Variants in BRAP observed in about 807,000 individuals in gnomAD.
The protein encoded by BRAP is BRCA1-associated protein.
BRAP carries 42 observed loss-of-function variants against 73.4 expected under a neutral mutation model. The ratio of observed to expected loss-of-function variants is 0.57; its 90% confidence interval spans 0.45 to 0.74. The LOEUF is 0.74. Ranked by LOEUF, BRAP falls within the 30% of genes least tolerant of loss-of-function variation. BRAP has a pLI of 0.00. For missense variants in BRAP, 593 were observed against 751.4 expected (o/e 0.79, Z 2.46); for synonymous variants, 255 against 267.4 (o/e 0.95, Z 0.45).
intron 4 of BRAP, among the ~76,000 whole-genome samples, chr12:111,676,905 T>C (rs1887404469): frequency 6.6e-6 from 1 of 152,004 alleles, no homozygotes; most frequent in Non-Finnish European, 1.5e-5. Context: ...CCTGTTAGGA[T>C]GATAGGGATT....
At chr12:111,667,960 G>A (rs1887020723) in intron 5 of BRAP, among the ~76,000 whole-genome samples, 1 of 152,120 alleles carries the variant, frequency 6.6e-6, no homozygotes, top group South Asian at 2.1e-4. Context: ...CGTAATCCCA[G>A]CACTTTGGGA....
intron 10 of BRAP, among the ~76,000 whole-genome samples, chr12:111,653,641 C>T (rs1002155293): frequency 7.9e-5 from 12 of 152,182 alleles, no homozygotes; most frequent in Non-Finnish European, 1.8e-4. Flanking sequence ...CCTTGATCCA[C>T]ACCCCTCCTC....
intron 7 of BRAP, among the ~76,000 whole-genome samples, chr12:111,659,929 T>C (rs1000473791): frequency 1.3e-5 from 2 of 151,744 alleles, no homozygotes; most frequent in Admixed American, 1.3e-4. Context: ...CAAAACCTAC[T>C]AGGCCATGGT....
At chr12:111,676,969 A>G (rs1013878327) in intron 4 of BRAP, among the ~76,000 whole-genome samples, 1 of 152,192 alleles carries the variant, frequency 6.6e-6, no homozygotes, top group Non-Finnish European at 1.5e-5. Context: ...ATACCAAGAT[A>G]AAGGGTTCTA....
intron 4 of BRAP, among the ~76,000 whole-genome samples, chr12:111,677,853 AC>A (rs1592996228): frequency 1.3e-5 from 2 of 152,208 alleles, no homozygotes; most frequent in Non-Finnish European, 2.9e-5. Flanking sequence ...ATGATGGGGT[AC>A]TTTGTAAACA....
intron 6 of BRAP, among the ~76,000 whole-genome samples, chr12:111,663,979 G>A (rs553734961): frequency 6.6e-6 from 1 of 152,102 alleles, no homozygotes; most frequent in Non-Finnish European, 1.5e-5. Flanking sequence ...TGGTCCCTGA[G>A]GAAACTTCCA....
In BRAP at chr12:111,644,109, T is replaced by A; in HGVS notation, c.*90A>T. The A allele has an allele frequency of 6.6e-7, 1 of 1,507,590 alleles. No homozygotes were observed. Among genetic ancestry groups the A allele is most frequent in the Non-Finnish European group, 8.8e-7 (1 of 1,130,906 alleles). 93.4% of individuals were successfully genotyped at this position (1,507,590 alleles called of 1,614,324 possible). Reference sequence around the variant, plus strand: ...TGGCTTGATCCTCACTTGTACTTATTAGGGCCCACCCTCACATTTAGCTGA... The same window carrying A: ...TGGCTTGATCCTCACTTGTACTTATAAGGGCCCACCCTCACATTTAGCTGA... On this transcript the variant is annotated 3_prime_UTR_variant, in exon 12 of 12. Transcript: ENST00000419234.
chr12:111,662,945 T>TAAAAAAAAAAAAAAAAAAAAAAATAA (rs76679225), intron 6 of BRAP, among the ~76,000 whole-genome samples: 1 of 115,008 alleles, frequency 8.7e-6, no homozygotes, highest in Admixed American at 8.9e-5. Context: ...AAAGCCCTTC[T>TAAAAAAAAAAAAAAAAAAAAAAATAA]AAAAAAAAAA....
chr12:111,677,118 T>C (rs547691034), intron 4 of BRAP, among the ~76,000 whole-genome samples: 11 of 152,228 alleles, frequency 7.2e-5, no homozygotes, highest in Admixed American at 2.0e-4. Context: ...ACAGTAAATA[T>C]CCACAGTACT....
rs951507251 is a variant in BRAP, at chr12:111,665,510, G to T, written c.896+129C>A. The T allele has an allele frequency of 3.1e-6, 4 of 1,311,008 alleles. No individual in the cohort carries two copies. Among genetic ancestry groups the T allele is most frequent in the Non-Finnish European group, 2.1e-6 (2 of 964,688 alleles). 81.2% of individuals were successfully genotyped at this position (1,311,008 alleles called of 1,614,324 possible). On this transcript the variant is annotated intron_variant, in intron 6 of 11. Coordinates refer to ENST00000419234, the MANE Select transcript of BRAP (RefSeq NM_006768.5). The surrounding 1 kb of genome is among the most constrained non-coding windows in gnomAD (Gnocchi z 4.3). Reference sequence around the variant, plus strand: ...TGCCGATTCCCTGAACTTAGGAAAGGGAAGGAGAAAAAGGACCTCTTGAAT... The same window carrying T: ...TGCCGATTCCCTGAACTTAGGAAAGTGAAGGAGAAAAAGGACCTCTTGAAT...
intron 10 of BRAP, among the ~76,000 whole-genome samples, 179 bp from the exon 11 acceptor site, chr12:111,650,221 T>G (rs1886266337): frequency 6.6e-6 from 1 of 152,106 alleles, no homozygotes; most frequent in Non-Finnish European, 1.5e-5. Flanking sequence ...GGTGAGGTAA[T>G]CATTTGAAAG....
chr12:111,664,704 T>C (rs1886874479), intron 6 of BRAP, among the ~76,000 whole-genome samples: 1 of 152,224 alleles, frequency 6.6e-6, no homozygotes, highest in Non-Finnish European at 1.5e-5. Context: ...ATATTCTTCT[T>C]CCGGCCACCA....
rs1209320925 is a variant in BRAP, at chr12:111,685,457, G to A, written c.82+254C>T. 8.9e-6 allele frequency: 7 copies of A among 788,444 alleles called. No individual in the cohort carries two copies. The African/African-American group carries it at 1.3e-4, about 14-fold the overall frequency. The allele number at this position is 788,444 out of a possible 1,614,324, so 48.8% of individuals were successfully genotyped here. On this transcript the variant is annotated intron_variant, in intron 1 of 11. Coordinates refer to ENST00000419234, the MANE Select transcript of BRAP (RefSeq NM_006768.5). ...AACACACCACTCGACTATCTCGAGA[G>A]GGAGACGCGCCAGGTATAAACTAAA...
intron 7 of BRAP, 82 bp downstream of exon 7, chr12:111,660,518 G>T (rs1199293502): frequency 1.7e-6 from 2 of 1,181,254 alleles, no homozygotes; most frequent in South Asian, 1.7e-5. Flanking sequence ...TAAAAATAAA[G>T]AACTTAAGTC....
rs1467331883 is a variant in BRAP at position 111,685,723 on chromosome 12, A to G, written c.70T>C (p.Phe24Leu). ...EHSPVPAGFG[F>L]SAAAGEMSDE... The stretch of plus-strand genomic sequence containing the variant: ...CCGCGGGACTCACCCGCGGCGCTGA[A>G]GCCGAAGCCGGCGGGGACAGGCGAG... The change falls in exon 1 of 12, where the codon TTC becomes CTC. Residue 24 changes from phenylalanine (F) to leucine (L), a missense_variant. Physicochemically the swap from Phe to Leu is conservative, Grantham distance 22. Around this residue, in one of 4 missense-constraint regions of BRAP, gnomAD observed 304 missense variants for 337.7 expected, o/e 0.90. Coordinates refer to ENST00000419234, the MANE Select transcript of BRAP (RefSeq NM_006768.5). The G allele has an allele frequency of 1.7e-5, 27 of 1,607,530 alleles. No homozygotes were observed. Among genetic ancestry groups the G allele is most frequent in the Non-Finnish European group, 2.3e-5 (27 of 1,178,138 alleles).
At chr12:111,671,144 A>T (rs1179875253) in intron 5 of BRAP, among the ~76,000 whole-genome samples, 1 of 151,986 alleles carries the variant, frequency 6.6e-6, no homozygotes, top group Non-Finnish European at 1.5e-5. Flanking sequence ...CTTAAAATAT[A>T]TCTTAAAATA....
At chr12:111,677,243 C>A (rs78101219) in intron 4 of BRAP, among the ~76,000 whole-genome samples, 2,368 of 152,262 alleles carry the variant, frequency 0.016, 72 homozygotes, top group African/African-American at 0.054. Flanking sequence ...GAGTGCTCTT[C>A]AACATTTTTT....
chr12:111,651,330 G>A (rs1482493264), intron 10 of BRAP, among the ~76,000 whole-genome samples: 1 of 152,030 alleles, frequency 6.6e-6, no homozygotes, highest in African/African-American at 2.4e-5. Flanking sequence ...ACGAGGTCAG[G>A]AGTTCAAGAC....
In BRAP at chr12:111,685,818, C is replaced by T. The variant is rs752536476; in HGVS notation, c.-26G>A. 5 of 1,531,314 alleles carry T rather than the reference C, an allele frequency of 3.3e-6. No individual in the cohort carries two copies. In the African/African-American group the frequency reaches 4.3e-5, roughly 13 times the overall value. 94.9% of individuals were successfully genotyped at this position (1,531,314 alleles called of 1,614,324 possible). A position where few individuals can be genotyped will look rare whatever the true frequency, so the allele number is the denominator to read the frequency against. On this transcript the variant is annotated 5_prime_UTR_variant, in exon 1 of 12. Transcript: ENST00000419234. Reference sequence around the variant, plus strand: ...AGGGCAGGCGCTGGCCGGCGCGGGCCCCGGCGGGCTCAGGCGAGGCTGGAA... The same window carrying T: ...AGGGCAGGCGCTGGCCGGCGCGGGCTCCGGCGGGCTCAGGCGAGGCTGGAA...
Sources: allele counts gnomAD v4.1 joint callset (sites outside exome capture counted in the v4.1 genomes callset), GRCh38; gene constraint gnomAD v4.1.1; regional missense constraint gnomAD v4.1.1; non-coding constraint Gnocchi (gnomAD v3.1); transcripts MANE v1.5; gene names NCBI Gene and HGNC (gene_info 2026-07-23, HGNC 2026-07-21).